The following FXYD6 variants were observed in gnomAD, a reference collection of about 807,000 sequenced individuals.
The protein encoded by FXYD6 is FXYD domain containing ion transport regulator 6.
In FXYD6, 7 loss-of-function variants were observed where a neutral mutation model predicts 16.7. That is an observed-to-expected ratio of 0.42 (90% CI 0.24 to 0.79). FXYD6 has a LOEUF of 0.79. Ranked by LOEUF, FXYD6 falls within the 30% of genes least tolerant of loss-of-function variation. The pLI is 0.28. For missense variants in FXYD6, 111 were observed against 116.2 expected, an observed-to-expected ratio of 0.95 and a Z score of 0.21; for synonymous variants, 49 against 43.0, an observed-to-expected ratio of 1.14 and a Z score of -0.54.
intron 1 of FXYD6, among the ~76,000 whole-genome samples, chr11:117,875,330 G>A (rs565499316): frequency 6.6e-6 from 1 of 152,052 alleles, no homozygotes; most frequent in Non-Finnish European, 1.5e-5. Flanking sequence ...GAAGTGGGTG[G>A]TGTGAGTAAG....
At chr11:117,875,617 C>T (rs920033069) in intron 1 of FXYD6, among the ~76,000 whole-genome samples, 2 of 152,222 alleles carry the variant, frequency 1.3e-5, no homozygotes, top group Non-Finnish European at 2.9e-5. Flanking sequence ...GAGATGCCCA[C>T]TGATCCATCT....
intron 1 of FXYD6, among the ~76,000 whole-genome samples, chr11:117,850,702 A>T (rs906694603): frequency 6.0e-5 from 9 of 151,166 alleles, no homozygotes; most frequent in African/African-American, 2.2e-4. Flanking sequence ...TATGTTACGT[A>T]GGCTGGTCTC....
Position 117,842,785 on chromosome 11 carries a change from G to C in FXYD6, c.-5-4C>G, listed in dbSNP as rs777279272. On this transcript the variant is annotated splice_polypyrimidine_tract_variant and splice_region_variant and intron_variant, in intron 1 of 7. Transcript: ENST00000526014. Reference sequence around the variant, plus strand: ...ACCAGCACCAACTCCATGGCGTCTGGGGACAGAGGGAGGAAAAAATGATTC... The same window carrying C: ...ACCAGCACCAACTCCATGGCGTCTGCGGACAGAGGGAGGAAAAAATGATTC... The C allele has an allele frequency of 9.6e-6, 15 of 1,558,942 alleles. No homozygotes were observed. The Admixed American group carries it at 2.9e-4, about 30-fold the overall frequency.
chr11:117,845,436 T>C (rs12098917), intron 1 of FXYD6, among the ~76,000 whole-genome samples: 21,181 of 152,292 alleles, frequency 0.14, 1,533 homozygotes, highest in Middle Eastern at 0.23. Context: ...TTGCTTAGTG[T>C]AGCTTTTTTG....
At position 117,851,232 on chromosome 11, in the gene FXYD6, G is replaced by A. The variant is rs115992242; in HGVS notation, c.-5-8451C>T. Among the ~76,000 whole-genome samples the A allele has an allele frequency of 3.5e-3, 531 of 152,228 alleles. 7 individuals are homozygous for A. Among genetic ancestry groups the A allele is most frequent in the African/African-American group, 0.012 (506 of 41,516 alleles). On this transcript the variant is annotated intron_variant, in intron 1 of 7. Transcript: ENST00000526014. ...CCAGGAAAATATGGCAGAAGTAATG[G>A]TATGTCACTTTCGATATGAGGTTAT...
chr11:117,870,690 T>C lies in FXYD6; in HGVS notation c.-6+5902A>G, dbSNP rs1271304337. ...CCACGGGCCTGGATACCCAGAAATG[T>C]GCCCTGCCTTTAGAGGAGGGGGCTG... On this transcript the variant is annotated intron_variant, in intron 1 of 7. Coordinates refer to ENST00000526014, the MANE Select transcript of FXYD6 (RefSeq NM_022003.4). The surrounding 1 kb of genome is among the most constrained non-coding windows in gnomAD (Gnocchi z 4.2). Among the ~76,000 whole-genome samples, 2 of 152,214 alleles carry C rather than the reference T, an allele frequency of 1.3e-5. No individual in the cohort carries two copies. Among genetic ancestry groups the C allele is most frequent in the Admixed American group, 6.5e-5 (1 of 15,288 alleles).
intron 1 of FXYD6, among the ~76,000 whole-genome samples, chr11:117,847,757 T>C (rs966189360): frequency 1.3e-5 from 2 of 152,174 alleles, no homozygotes; most frequent in Non-Finnish European, 2.9e-5. Context: ...CTTAATCCAG[T>C]CTATCATTGT....
chr11:117,863,032 G>A (rs1334020236), intron 1 of FXYD6, among the ~76,000 whole-genome samples: 2 of 152,150 alleles, frequency 1.3e-5, no homozygotes, highest in African/African-American at 4.8e-5. Context: ...AACATTACAA[G>A]CATTAGCTCA....
At chr11:117,864,014 T>C (rs2056962764) in intron 1 of FXYD6, among the ~76,000 whole-genome samples, 2 of 152,186 alleles carry the variant, frequency 1.3e-5, no homozygotes, top group Non-Finnish European at 2.9e-5. Context: ...TTTAAGATAT[T>C]AATACTATCC....
Position 117,838,076 on chromosome 11 carries a change from G to A in FXYD6, c.*223C>T, listed in dbSNP as rs975161306. 3.0e-6 allele frequency: 2 copies of A among 677,032 alleles called. No homozygotes were observed. Among genetic ancestry groups the A allele is most frequent in the African/African-American group, 3.5e-5 (2 of 56,674 alleles). 41.9% of individuals were successfully genotyped at this position (677,032 alleles called of 1,614,324 possible). On this transcript the variant is annotated 3_prime_UTR_variant, in exon 8 of 8. Transcript: ENST00000526014. ...ACACACACACACACACATCACGGGAGGTGGGCAGGACCGCAGGCTGCAGTG... is the reference window on the plus strand; with the variant it reads ...ACACACACACACACACATCACGGGAAGTGGGCAGGACCGCAGGCTGCAGTG...
intron 1 of FXYD6, among the ~76,000 whole-genome samples, chr11:117,875,855 G>A (rs1422447159): frequency 1.3e-5 from 2 of 152,160 alleles, no homozygotes; most frequent in African/African-American, 4.8e-5. Flanking sequence ...CCAGAAGCCA[G>A]CGCTGGGAGC....
At chr11:117,852,757 A>C (rs2056638545) in intron 1 of FXYD6, among the ~76,000 whole-genome samples, 1 of 152,198 alleles carries the variant, frequency 6.6e-6, no homozygotes, top group Admixed American at 6.6e-5. Context: ...CTGTGACTAG[A>C]AGCAGGTTAG....
chr11:117,841,282 CT>C (rs2134134240), intron 4 of FXYD6, 98 bp from the exon 5 acceptor site: 1 of 1,546,440 alleles, frequency 6.5e-7, no homozygotes, highest in East Asian at 2.3e-5. Context: ...ATGGCACCCC[CT>C]AGACCTGGGC....
At chr11:117,840,069 G>T in intron 6 of FXYD6, 1 of 643,790 alleles carries the variant, frequency 1.6e-6, no homozygotes, top group Non-Finnish European at 2.7e-6. Context: ...TTTCAGGGCT[G>T]TGTGCCCATT....
rs549384852 is a variant in FXYD6, at chr11:117,866,622, G to A, written c.-6+9970C>T. On this transcript the variant is annotated intron_variant, in intron 1 of 7. Coordinates refer to ENST00000526014, the MANE Select transcript of FXYD6 (RefSeq NM_022003.4). Reference sequence around the variant, plus strand: ...TTGTCAGATCCCAGCTGTTCCCAGCGATGCCCCATCAGTCCCAGCTGAGCT... The same window carrying A: ...TTGTCAGATCCCAGCTGTTCCCAGCAATGCCCCATCAGTCCCAGCTGAGCT... Among the ~76,000 whole-genome samples, 11 of 152,292 alleles carry A rather than the reference G, an allele frequency of 7.2e-5. No homozygotes were observed. In the East Asian group the frequency reaches 1.7e-3, roughly 24 times the overall value.
chr11:117,840,332 G>A lies in FXYD6; in HGVS notation c.246C>T (p.Leu82=). The change falls in exon 6 of 8, where the codon CTC becomes CTT. Residue 82 remains leucine, a synonymous_variant. Transcript: ENST00000526014. ...ACGGACAGTTACCATTGGCGGTGAT[G>A]AGGTTCTCCACCTGGGCTTCCTCAT... ...PGDEEAQVEN[L]ITANATEPQK... is the part of the protein sequence containing the mutation. 6.2e-7 allele frequency: 1 copy of A among 1,614,184 alleles called. No homozygotes were observed. Among genetic ancestry groups the A allele is most frequent in the Non-Finnish European group, 8.5e-7 (1 of 1,180,028 alleles).
chr11:117,862,065 C>T (rs987605694), intron 1 of FXYD6, among the ~76,000 whole-genome samples: 1 of 152,140 alleles, frequency 6.6e-6, no homozygotes, highest in Admixed American at 6.5e-5. Flanking sequence ...GGAGAGAAAA[C>T]CCGGAGGAGG....
intron 1 of FXYD6, among the ~76,000 whole-genome samples, chr11:117,856,814 G>A (rs1248412692): frequency 6.6e-6 from 1 of 152,174 alleles, no homozygotes; most frequent in Non-Finnish European, 1.5e-5. Context: ...CTTTTTATTT[G>A]TGAAAATTGG....
chr11:117,861,843 G>A (rs2056913708), intron 1 of FXYD6, among the ~76,000 whole-genome samples: 1 of 152,210 alleles, frequency 6.6e-6, no homozygotes, highest in Admixed American at 6.5e-5. Context: ...GAGGGGCCTC[G>A]GCCCACAGCT....
Sources: gnomAD v4.1 joint callset for allele counts (sites outside exome capture counted in the v4.1 genomes callset) on GRCh38, gnomAD v4.1.1 for gene constraint, Gnocchi (gnomAD v3.1) non-coding constraint, MANE v1.5 for transcripts, NCBI Gene and HGNC (gene_info 2026-07-23, HGNC 2026-07-21) for gene names.